Variants in TBL1XR1 observed in about 807,000 individuals in gnomAD.
TBL1XR1 encodes the protein F-box-like/WD repeat-containing protein TBL1XR1.
TBL1XR1 carries 5 observed loss-of-function variants against 66.9 expected under a neutral mutation model. That is an observed-to-expected ratio of 0.07 (90% CI 0.04 to 0.16). The LOEUF (loss-of-function observed/expected upper bound fraction) is 0.16. Ranked by LOEUF, TBL1XR1 falls within the 10% of genes least tolerant of loss-of-function variation. The probability of loss-of-function intolerance (pLI) is 1.00; values close to 1 mark genes in which losing one functional copy is unlikely to be tolerated. For missense variants in TBL1XR1, 238 were observed against 623.2 expected (o/e 0.38, Z 6.58); for synonymous variants, 210 against 206.0 (o/e 1.02, Z -0.17).
intron 1 of TBL1XR1, among the ~76,000 whole-genome samples, chr3:177,139,683 A>G (rs1475011352): frequency 2.0e-5 from 3 of 152,026 alleles, no homozygotes; most frequent in Non-Finnish European, 2.9e-5. Flanking sequence ...AAAAAAAAGA[A>G]AAAGAAAATT....
intron 13 of TBL1XR1, 114 bp downstream of exon 13, chr3:177,034,084 A>G: frequency 8.5e-6 from 7 of 825,918 alleles, no homozygotes; most frequent in Middle Eastern, 4.8e-4. Context: ...TGAAATTGGA[A>G]AAAAAAAAAA....
At chr3:177,084,094 AAAAAAAAAG>A (rs897802811) in intron 2 of TBL1XR1, among the ~76,000 whole-genome samples, 3 of 150,756 alleles carry the variant, frequency 2.0e-5, no homozygotes, top group African/African-American at 4.9e-5. Context: ...TCTCAAAAAA[AAAAAAAAAG>A]AAAAAAGAAA....
intron 1 of TBL1XR1, among the ~76,000 whole-genome samples, chr3:177,143,283 C>A (rs1729839993): frequency 6.6e-6 from 1 of 151,786 alleles, no homozygotes; most frequent in South Asian, 2.1e-4. Flanking sequence ...CCTGCATATT[C>A]CCGTAGGAGC....
intron 1 of TBL1XR1, among the ~76,000 whole-genome samples, chr3:177,192,748 A>G (rs532186793): frequency 2.0e-5 from 3 of 152,346 alleles, no homozygotes; most frequent in East Asian, 1.9e-4. Flanking sequence ...AGCAACTTAC[A>G]CTTACAGGAT....
At chr3:177,082,766 A>ATATG (rs1297835226) in intron 2 of TBL1XR1, among the ~76,000 whole-genome samples, 3 of 135,632 alleles carry the variant, frequency 2.2e-5, no homozygotes, top group African/African-American at 8.2e-5. Flanking sequence ...ATATATATAT[A>ATATG]TGAATATGAG....
chr3:177,089,313 C>A (rs1295656237), intron 2 of TBL1XR1, among the ~76,000 whole-genome samples: 1 of 152,158 alleles, frequency 6.6e-6, no homozygotes, highest in African/African-American at 2.4e-5. Context: ...TACTGCAAAG[C>A]ACCCTGAGGC....
At chr3:177,054,048 G>C (rs1401843195) in intron 3 of TBL1XR1, 130 bp from the exon 4 acceptor site, 6 of 69,040 alleles carry the variant, frequency 8.7e-5, no homozygotes, top group Non-Finnish European at 1.5e-4. Context: ...CGAAGGTCGT[G>C]TGTGTGTGTG....
chr3:177,148,989 G>A (rs1247831614), intron 1 of TBL1XR1, among the ~76,000 whole-genome samples: 1 of 143,600 alleles, frequency 7.0e-6, no homozygotes, highest in Non-Finnish European at 1.5e-5. Context: ...GGACAAAGAA[G>A]AGCAAAACTC....
chr3:177,146,194 T>C (rs1284911431), intron 1 of TBL1XR1, among the ~76,000 whole-genome samples: 1 of 152,136 alleles, frequency 6.6e-6, no homozygotes. Flanking sequence ...ACAAACAGAA[T>C]TTCAGAAGCA....
intron 1 of TBL1XR1, among the ~76,000 whole-genome samples, chr3:177,185,935 C>T (rs1735352231): frequency 6.6e-6 from 1 of 152,134 alleles, no homozygotes; most frequent in Admixed American, 6.5e-5. Context: ...TGCTTAAGCC[C>T]AGGAGTTGGA....
chr3:177,142,271 T>G (rs1371609872), intron 1 of TBL1XR1, among the ~76,000 whole-genome samples: 1 of 152,082 alleles, frequency 6.6e-6, no homozygotes, highest in East Asian at 1.9e-4. Flanking sequence ...AGAGCAGGGC[T>G]CCCCCATTAG....
intron 3 of TBL1XR1, among the ~76,000 whole-genome samples, chr3:177,060,221 T>TACGTC (rs1463288981): frequency 1.3e-5 from 2 of 152,212 alleles, no homozygotes; most frequent in African/African-American, 4.8e-5. Context: ...TCCTATTAGT[T>TACGTC]ACGTCCCTCA....
At chr3:177,061,092 T>C (rs1718462152) in intron 3 of TBL1XR1, among the ~76,000 whole-genome samples, 1 of 152,196 alleles carries the variant, frequency 6.6e-6, no homozygotes, top group African/African-American at 2.4e-5. Context: ...AAAGTTACAA[T>C]AGTTAATAAA....
intron 5 of TBL1XR1, among the ~76,000 whole-genome samples, chr3:177,051,237 G>T (rs531595231): frequency 6.6e-6 from 1 of 152,012 alleles, no homozygotes; most frequent in Non-Finnish European, 1.5e-5. Flanking sequence ...CATAGAAGAT[G>T]GGGCATTTCT....
At chr3:177,092,165 C>T (rs1053073263) in intron 2 of TBL1XR1, among the ~76,000 whole-genome samples, 2 of 152,112 alleles carry the variant, frequency 1.3e-5, no homozygotes, top group Non-Finnish European at 2.9e-5. Context: ...CTTTGAGTGT[C>T]GTGTTAGTGC....
rs1337637509 is a variant in TBL1XR1 at position 177,022,502 on chromosome 3, C to T, written c.*2996G>A. 2 of 152,426 alleles carry T rather than the reference C, an allele frequency of 1.3e-5. No homozygotes were observed. Among genetic ancestry groups the T allele is most frequent in the Non-Finnish European group, 2.9e-5 (2 of 67,930 alleles). The allele number at this position is 152,426 out of a possible 1,614,324, so 9.4% of individuals were successfully genotyped here. A position where few individuals can be genotyped will look rare whatever the true frequency, so the allele number is the denominator to read the frequency against. ...TACACGGAGACAAAAAAAGATATTC[C>T]TTTATGTTGTTTAAAAGTGGCAGCT... On this transcript the variant is annotated 3_prime_UTR_variant, in exon 16 of 16. Transcript: ENST00000457928.
chr3:177,065,559 A>G (rs1719046951), intron 2 of TBL1XR1, among the ~76,000 whole-genome samples: 2 of 152,168 alleles, frequency 1.3e-5, no homozygotes, highest in African/African-American at 2.4e-5. Context: ...GGTATGTATG[A>G]GATAGGCTGG....
rs1266960232 is a variant in TBL1XR1 at position 177,023,229 on chromosome 3, C to A, written c.*2269G>T. 6.6e-6 allele frequency: 1 copy of A among 152,466 alleles called. No individual in the cohort carries two copies. Among genetic ancestry groups the A allele is most frequent in the East Asian group, 1.9e-4 (1 of 5,200 alleles). The allele number at this position is 152,466 out of a possible 1,614,324, so 9.4% of individuals were successfully genotyped here. ...TCAGATTTAAATTCAGTGCAATTGACAAATGCATCACTAAAGGAAAATGCA... is the reference window on the plus strand; with the variant it reads ...TCAGATTTAAATTCAGTGCAATTGAAAAATGCATCACTAAAGGAAAATGCA... On this transcript the variant is annotated 3_prime_UTR_variant, in exon 16 of 16. Coordinates refer to ENST00000457928, the MANE Select transcript of TBL1XR1 (RefSeq NM_024665.7).
intron 1 of TBL1XR1, among the ~76,000 whole-genome samples, chr3:177,157,523 A>G (rs1049517344): frequency 9.2e-5 from 14 of 152,228 alleles, no homozygotes; most frequent in African/African-American, 3.1e-4. Flanking sequence ...ACTCTGGGTT[A>G]TAAGTGACCT....
Sources: allele counts gnomAD v4.1 joint callset (sites outside exome capture counted in the v4.1 genomes callset), GRCh38; gene constraint gnomAD v4.1.1; transcripts MANE v1.5; gene names NCBI Gene and HGNC (gene_info 2026-07-23, HGNC 2026-07-21).